MRPS35: variants seen among roughly 807,000 people sequenced by gnomAD.
MRPS35 encodes the protein small ribosomal subunit protein mS35.
MRPS35 carries 29 observed loss-of-function variants against 32.7 expected under a neutral mutation model. The observed-to-expected ratio is 0.89, with a 90% CI of 0.66 to 1.21. MRPS35 has a LOEUF of 1.21. Among genes scored for constraint, MRPS35 ranks in the 50% most tolerant of loss-of-function variants. MRPS35 has a pLI of 0.00. For synonymous variants in MRPS35, 148 were observed against 139.3 expected (o/e 1.06, Z -0.44); for missense variants, 373 against 383.8 (o/e 0.97, Z 0.23).
rs1011132533 is a variant in MRPS35, at chr12:27,712,950, C to T, written c.113-1830C>T. ...GGAGAATCACCTGAGCCTGGGAAGT[C>T]GATTACAGTGAGCCGTAATCGCACC... On this transcript the variant is annotated intron_variant, in intron 1 of 7. Coordinates refer to ENST00000081029, the MANE Select transcript of MRPS35 (RefSeq NM_021821.4). 2.6e-5 allele frequency among the ~76,000 whole-genome samples: 4 copies of T among 152,198 alleles called. No homozygotes were observed. In the East Asian group the frequency reaches 5.8e-4, roughly 22 times the overall value.
intron 7 of MRPS35, among the ~76,000 whole-genome samples, chr12:27,752,491 A>T (rs2062009576): frequency 6.6e-6 from 1 of 152,248 alleles, no homozygotes; most frequent in African/African-American, 2.4e-5. Context: ...TAAATAGTTA[A>T]GTCTCTTAAT....
chr12:27,725,075 C>T (rs1000622126), intron 5 of MRPS35, among the ~76,000 whole-genome samples: 1 of 152,234 alleles, frequency 6.6e-6, no homozygotes, highest in South Asian at 2.1e-4. Context: ...AGACACTGCC[C>T]AGCCCATTTT....
At chr12:27,730,972 G>C (rs1189488354) in intron 5 of MRPS35, among the ~76,000 whole-genome samples, 1 of 152,120 alleles carries the variant, frequency 6.6e-6, no homozygotes, top group Non-Finnish European at 1.5e-5. Context: ...ATTATGTACA[G>C]TCCTTTTATA....
At chr12:27,752,085 A>T (rs1037693798) in intron 7 of MRPS35, among the ~76,000 whole-genome samples, 4 of 88,624 alleles carry the variant, frequency 4.5e-5, no homozygotes, top group Non-Finnish European at 8.7e-5. Context: ...TACAAAAAAA[A>T]AAATAAAATA....
chr12:27,724,453 A>C (rs950781575), intron 5 of MRPS35, among the ~76,000 whole-genome samples: 22 of 151,966 alleles, frequency 1.4e-4, no homozygotes, highest in Non-Finnish European at 3.1e-4. Context: ...TACAAGTTTC[A>C]AATTATACAC....
intron 7 of MRPS35, among the ~76,000 whole-genome samples, 195 bp from the exon 8 acceptor site, chr12:27,754,986 G>T (rs2062020356): frequency 6.6e-6 from 1 of 152,010 alleles, no homozygotes; most frequent in South Asian, 2.1e-4. Flanking sequence ...CGCAGGTGCA[G>T]GTGGCTAACA....
At chr12:27,743,592 A>C (rs537278350) in intron 7 of MRPS35, among the ~76,000 whole-genome samples, 54 of 152,328 alleles carry the variant, frequency 3.5e-4, no homozygotes, top group African/African-American at 1.2e-3. Flanking sequence ...GGGTTGCTGG[A>C]TATGAAAGTT....
chr12:27,751,505 C>G (rs915415467), intron 7 of MRPS35, among the ~76,000 whole-genome samples: 1 of 152,226 alleles, frequency 6.6e-6, no homozygotes, highest in Non-Finnish European at 1.5e-5. Flanking sequence ...GCTTTTCTTA[C>G]ACTGTCCACC....
At chr12:27,742,390 G>C (rs1198312789) in intron 7 of MRPS35, among the ~76,000 whole-genome samples, 2 of 152,186 alleles carry the variant, frequency 1.3e-5, no homozygotes, top group African/African-American at 4.8e-5. Flanking sequence ...ATGACCCCCT[G>C]CCTTAGGTAC....
intron 7 of MRPS35, chr12:27,752,862 C>G (rs1032842178): frequency 1.3e-5 from 2 of 151,928 alleles, no homozygotes; most frequent in Admixed American, 6.6e-5. Flanking sequence ...AGAGGCATAC[C>G]AAGTTGTTTC....
intron 4 of MRPS35, among the ~76,000 whole-genome samples, chr12:27,721,562 G>A (rs966302340): frequency 7.9e-5 from 12 of 152,112 alleles, no homozygotes; most frequent in African/African-American, 2.4e-4. Context: ...GGGGGCCTGA[G>A]GCAGGAGGAT....
At chr12:27,731,649 A>G (rs1039238424) in intron 5 of MRPS35, among the ~76,000 whole-genome samples, 1 of 152,056 alleles carries the variant, frequency 6.6e-6, no homozygotes, top group African/African-American at 2.4e-5. Context: ...GCTTACTGCA[A>G]CCTCTGCCTC....
chr12:27,715,417 G>T (rs1166751396), intron 2 of MRPS35, among the ~76,000 whole-genome samples: 1 of 152,142 alleles, frequency 6.6e-6, no homozygotes, highest in Admixed American at 6.5e-5. Context: ...GTGAGCTACT[G>T]CACCTGGCCT....
At chr12:27,711,726 C>G (rs1164158250) in intron 1 of MRPS35, among the ~76,000 whole-genome samples, 1 of 151,498 alleles carries the variant, frequency 6.6e-6, no homozygotes, top group African/African-American at 2.4e-5. Context: ...ATTGAATTCT[C>G]AAAACAGCCA....
At chr12:27,715,994 GC>G (rs763762005) in intron 2 of MRPS35, among the ~76,000 whole-genome samples, 70 of 152,134 alleles carry the variant, frequency 4.6e-4, no homozygotes, top group Non-Finnish European at 9.0e-4. Context: ...CCTTTCATAA[GC>G]AAAATGTAAA....
chr12:27,740,532 A>T (rs2061960376), intron 7 of MRPS35, among the ~76,000 whole-genome samples: 1 of 152,136 alleles, frequency 6.6e-6, no homozygotes, highest in Non-Finnish European at 1.5e-5. Flanking sequence ...GGCCTCCCAA[A>T]GTGTTGGATT....
intron 5 of MRPS35, among the ~76,000 whole-genome samples, chr12:27,726,099 C>T (rs2061899460): frequency 6.6e-6 from 1 of 151,982 alleles, no homozygotes; most frequent in Non-Finnish European, 1.5e-5. Flanking sequence ...TGTGAGCCAC[C>T]ACTACAGGGC....
At chr12:27,747,687 T>TAAG (rs1438818332) in intron 7 of MRPS35, among the ~76,000 whole-genome samples, 3 of 152,138 alleles carry the variant, frequency 2.0e-5, no homozygotes, top group Non-Finnish European at 4.4e-5. Flanking sequence ...GAGTTGTAAA[T>TAAG]AAGAAGGTAG....
intron 7 of MRPS35, among the ~76,000 whole-genome samples, chr12:27,742,167 G>T (rs1368400353): frequency 5.9e-5 from 9 of 152,154 alleles, no homozygotes; most frequent in Non-Finnish European, 1.3e-4. Context: ...CATTATTGCA[G>T]ATATTTCTGA....
Sources: allele counts gnomAD v4.1 joint callset (sites outside exome capture counted in the v4.1 genomes callset), GRCh38; gene constraint gnomAD v4.1.1; transcripts MANE v1.5; gene names NCBI Gene and HGNC (gene_info 2026-07-23, HGNC 2026-07-21).